The following CD244 variants were observed in gnomAD, a reference collection of about 807,000 sequenced individuals.
CD244 encodes natural killer cell receptor 2B4.
CD244 carries 20 observed loss-of-function variants against 45.5 expected under a neutral mutation model. The observed-to-expected ratio is 0.44, with a 90% confidence interval of 0.31 to 0.64. CD244 has a LOEUF of 0.64. CD244 is among the 30% of genes least tolerant of loss of function. The pLI, the probability that CD244 is intolerant of heterozygous loss-of-function variation, is 0.08. For synonymous variants in CD244, 185 were observed against 160.5 expected (o/e 1.15, Z -1.15); for missense variants, 407 against 426.9 (o/e 0.95, Z 0.41).
chr1:160,848,153 A>C (rs1027148634), intron 1 of CD244: 8 of 476,490 alleles, frequency 1.7e-5, no homozygotes, highest in African/African-American at 1.6e-4. Flanking sequence ...ATTTGGTTAC[A>C]AGAGCTCCTG....
chr1:160,842,851 G>T (rs1352429828), intron 1 of CD244, among the ~76,000 whole-genome samples: 1 of 152,174 alleles, frequency 6.6e-6, no homozygotes, highest in Non-Finnish European at 1.5e-5. Flanking sequence ...GCAATTCTGT[G>T]CAGTCAGTGT....
At chr1:160,836,328 A>G (rs774982078) in intron 5 of CD244, 74 bp from the exon 6 acceptor site, 162 of 1,185,160 alleles carry the variant, frequency 1.4e-4, no homozygotes, top group Non-Finnish European at 1.8e-4. Context: ...GTGGGGAAAA[A>G]CAGCACAAAG....
chr1:160,836,645 C>T (rs1018178773), intron 5 of CD244, among the ~76,000 whole-genome samples: 15 of 152,146 alleles, frequency 9.9e-5, no homozygotes, highest in African/African-American at 3.6e-4. Context: ...ACAGTTAAGC[C>T]CTCTCTAGAT....
At chr1:160,850,777 T>C (rs923560403) in intron 1 of CD244, among the ~76,000 whole-genome samples, 3 of 152,132 alleles carry the variant, frequency 2.0e-5, no homozygotes, top group African/African-American at 7.2e-5. Flanking sequence ...AGCAATCAGC[T>C]CTTCAGTGGA....
At chr1:160,833,455 A>G (rs1181357251) in intron 7 of CD244, among the ~76,000 whole-genome samples, 2 of 152,176 alleles carry the variant, frequency 1.3e-5, no homozygotes, top group Admixed American at 1.3e-4. Flanking sequence ...CATACAAGAG[A>G]AAAACAATGA....
At chr1:160,836,667 C>A (rs1013934341) in intron 5 of CD244, among the ~76,000 whole-genome samples, 4 of 152,170 alleles carry the variant, frequency 2.6e-5, no homozygotes, top group African/African-American at 9.7e-5. Flanking sequence ...ATCTTTGAGG[C>A]CACCTTGCCC....
intron 1 of CD244, chr1:160,847,903 G>C (rs1383114512): frequency 3.2e-5 from 5 of 157,616 alleles, no homozygotes; most frequent in Non-Finnish European, 7.0e-5. Context: ...ACACAATAGA[G>C]AAAATTAGCA....
chr1:160,831,337 G>T lies in CD244; in HGVS notation c.*10C>A, dbSNP rs772225331. On this transcript the variant is annotated 3_prime_UTR_variant, in exon 9 of 9. Transcript: ENST00000368034. Reference sequence around the variant, plus strand: ...CTGATGTGCAAGAAAGGTGAGAATTGCTGCAGCAACTAGGAATAAACATCA... The same window carrying T: ...CTGATGTGCAAGAAAGGTGAGAATTTCTGCAGCAACTAGGAATAAACATCA... 1.2e-6 allele frequency: 2 copies of T among 1,609,878 alleles called. No homozygotes were observed. The highest frequency in any genetic ancestry group is 2.2e-5 in the South Asian group (2 of 90,990).
At chr1:160,857,434 T>A (rs555709423) in intron 1 of CD244, among the ~76,000 whole-genome samples, 2 of 152,192 alleles carry the variant, frequency 1.3e-5, no homozygotes, top group Non-Finnish European at 2.9e-5. Flanking sequence ...GATATAGTCA[T>A]GCGATAAAAT....
At chr1:160,853,884 G>A (rs1329530957) in intron 1 of CD244, among the ~76,000 whole-genome samples, 1 of 151,994 alleles carries the variant, frequency 6.6e-6, no homozygotes, top group East Asian at 1.9e-4. Flanking sequence ...TGCCCAGGGT[G>A]TGAGGCAAGC....
chr1:160,835,578 C>T (rs1454506773), intron 6 of CD244, among the ~76,000 whole-genome samples: 1 of 152,078 alleles, frequency 6.6e-6, no homozygotes, highest in Non-Finnish European at 1.5e-5. Flanking sequence ...TACCATTGCA[C>T]TCAGCCTGGT....
chr1:160,850,290 T>C (rs901857755), intron 1 of CD244, among the ~76,000 whole-genome samples: 3 of 152,088 alleles, frequency 2.0e-5, no homozygotes, highest in African/African-American at 7.2e-5. Flanking sequence ...CCTATACACC[T>C]ATTGCAACAA....
chr1:160,837,497 A>G (rs1044225461), intron 5 of CD244, among the ~76,000 whole-genome samples: 1 of 152,132 alleles, frequency 6.6e-6, no homozygotes, highest in African/African-American at 2.4e-5. Flanking sequence ...TAAATAAATA[A>G]AGATAAAAAT....
chr1:160,838,615 T>TA, intron 4 of CD244, 97 bp from the exon 5 acceptor site: 1 of 869,750 alleles, frequency 1.1e-6, no homozygotes, highest in Non-Finnish European at 2.0e-6. Flanking sequence ...GGCCAAACCT[T>TA]AAAAAAGGTT....
intron 1 of CD244, among the ~76,000 whole-genome samples, chr1:160,845,365 CAAG>C (rs1313753036): frequency 1.3e-5 from 2 of 151,844 alleles, no homozygotes; most frequent in African/African-American, 2.4e-5. Flanking sequence ...TAAAAATACA[CAAG>C]AAGGAGTGTA....
intron 8 of CD244, among the ~76,000 whole-genome samples, chr1:160,832,039 T>G (rs1281107647): frequency 6.6e-6 from 1 of 152,194 alleles, no homozygotes; most frequent in Non-Finnish European, 1.5e-5. Context: ...CTAAATGCTC[T>G]GATGGGAATC....
chr1:160,832,525 A>G lies in CD244; in HGVS notation c.1011T>C (p.Tyr337=). Residue 337 remains tyrosine (Y), a synonymous_variant, in exon 8 of 9, where the codon TAT becomes TAC. Coordinates refer to ENST00000368034, the MANE Select transcript of CD244 (RefSeq NM_016382.4). ...NHSPSFNSTI[Y]EVIGKSQPKA... ...AGGAGTTCCAGAATCTTACCACTTC[A>G]TAGATAGTGCTATTGAAGGAAGGGC... The G allele has an allele frequency of 6.2e-7, 1 of 1,601,772 alleles. No individual in the cohort carries two copies. The highest frequency in any genetic ancestry group is 2.2e-5 in the East Asian group (1 of 44,804).
At chr1:160,839,279 C>T (rs1377469221) in intron 3 of CD244, 1 of 449,244 alleles carries the variant, frequency 2.2e-6, no homozygotes, top group Non-Finnish European at 4.0e-6. Context: ...AAATTCTAAC[C>T]CTGTGAGCTC....
intron 1 of CD244, among the ~76,000 whole-genome samples, chr1:160,857,298 G>A (rs1670144579): frequency 6.6e-6 from 1 of 152,152 alleles, no homozygotes; most frequent in African/African-American, 2.4e-5. Flanking sequence ...CCATGGTTCT[G>A]CCCCTAGAGA....
Sources: gnomAD v4.1 joint callset for allele counts (sites outside exome capture counted in the v4.1 genomes callset) on GRCh38, gnomAD v4.1.1 for gene constraint, MANE v1.5 for transcripts, NCBI Gene and HGNC (gene_info 2026-07-23, HGNC 2026-07-21) for gene names.